SPMIP2: variants seen among roughly 807,000 people sequenced by gnomAD.
The protein encoded by SPMIP2 is sperm microtubule inner protein 2.
the SPMIP2 span, among the ~76,000 whole-genome samples, chr4:158,963,971 C>G: frequency 6.6e-6 from 1 of 151,938 alleles, no homozygotes; most frequent in Middle Eastern, 3.4e-3. Flanking sequence ...CTGGCTGATA[C>G]GGTGAAACCC....
chr4:158,990,111 T>C, the SPMIP2 span, among the ~76,000 whole-genome samples: 22 of 151,964 alleles, frequency 1.4e-4, 1 homozygote, highest in African/African-American at 4.8e-4. Flanking sequence ...ATGCAACCAA[T>C]AAACATATGA....
At chr4:158,979,939 T>C in the SPMIP2 span, among the ~76,000 whole-genome samples, 1 of 152,042 alleles carries the variant, frequency 6.6e-6, no homozygotes, top group Non-Finnish European at 1.5e-5. Context: ...CCCAGCAAGC[T>C]AAGATCCACT....
chr4:159,075,560 A>T, the SPMIP2 span, among the ~76,000 whole-genome samples: 93 of 152,162 alleles, frequency 6.1e-4, no homozygotes, highest in Non-Finnish European at 1.2e-3. Context: ...AAGCTTTTAG[A>T]GGTGGGCCAA....
chr4:158,921,629 T>A, the SPMIP2 span, among the ~76,000 whole-genome samples: 1 of 152,162 alleles, frequency 6.6e-6, no homozygotes, highest in Non-Finnish European at 1.5e-5. Flanking sequence ...CCTGCAGAAC[T>A]GTAAGCCAAT....
At chr4:159,013,056 T>C in the SPMIP2 span, among the ~76,000 whole-genome samples, 1 of 152,200 alleles carries the variant, frequency 6.6e-6, no homozygotes, top group Non-Finnish European at 1.5e-5. Flanking sequence ...TGGCCACAGG[T>C]TCTTCACAGT....
the SPMIP2 span, among the ~76,000 whole-genome samples, chr4:159,062,419 T>G: frequency 6.6e-6 from 1 of 152,226 alleles, no homozygotes; most frequent in East Asian, 1.9e-4. Context: ...TGTAAAAGAT[T>G]TAACTATGCC....
At chr4:158,988,257 G>T in the SPMIP2 span, among the ~76,000 whole-genome samples, 1 of 152,010 alleles carries the variant, frequency 6.6e-6, no homozygotes, top group Non-Finnish European at 1.5e-5. Context: ...TTAATAGCCT[G>T]CCAACCAAAA....
the SPMIP2 span, among the ~76,000 whole-genome samples, chr4:158,916,487 C>A: frequency 6.6e-6 from 1 of 152,136 alleles, no homozygotes; most frequent in African/African-American, 2.4e-5. Context: ...GGGAAGTGAC[C>A]ATGGCTGTCT....
At chr4:158,915,231 T>C in the SPMIP2 span, 1 of 1,613,738 alleles carries the variant, frequency 6.2e-7, no homozygotes, top group East Asian at 2.2e-5. Context: ...CAATGATGAC[T>C]TACACTGCCT....
the SPMIP2 span, among the ~76,000 whole-genome samples, chr4:158,949,344 A>C: frequency 6.6e-6 from 1 of 152,224 alleles, no homozygotes; most frequent in Non-Finnish European, 1.5e-5. Flanking sequence ...TTATATGGTC[A>C]TACTATTTAT....
chr4:158,993,056 C>G, the SPMIP2 span, among the ~76,000 whole-genome samples: 1 of 151,982 alleles, frequency 6.6e-6, no homozygotes, highest in Non-Finnish European at 1.5e-5. Context: ...CCAGTCAGTC[C>G]AACAAACTTC....
chr4:158,902,375 C>T, the SPMIP2 span, among the ~76,000 whole-genome samples: 3 of 152,160 alleles, frequency 2.0e-5, no homozygotes, highest in Non-Finnish European at 2.9e-5. Flanking sequence ...CCCAGAGGGG[C>T]ACCCACCAGA....
the SPMIP2 span, among the ~76,000 whole-genome samples, chr4:159,030,752 C>T: frequency 6.6e-6 from 1 of 152,156 alleles, no homozygotes; most frequent in Non-Finnish European, 1.5e-5. Context: ...CTGCCTCGGC[C>T]TCCCAGGTGC....
At chr4:158,906,961 AAAAAG>A in the SPMIP2 span, 1 of 152,218 alleles carries the variant, frequency 6.6e-6, no homozygotes. Context: ...ATTTTTTTTA[AAAAAG>A]AAAAGAAATC....
the SPMIP2 span, among the ~76,000 whole-genome samples, chr4:159,016,332 A>C: frequency 2.0e-5 from 3 of 152,224 alleles, no homozygotes; most frequent in African/African-American, 7.2e-5. Context: ...CAATAGATGA[A>C]GAAATTAAAG....
chr4:158,986,766 C>A, the SPMIP2 span, among the ~76,000 whole-genome samples: 1 of 152,026 alleles, frequency 6.6e-6, no homozygotes, highest in African/African-American at 2.4e-5. Flanking sequence ...GCAACAGAAG[C>A]CAAAATTGAC....
chr4:158,947,146 C>CA, the SPMIP2 span, among the ~76,000 whole-genome samples: 2 of 152,038 alleles, frequency 1.3e-5, no homozygotes, highest in Non-Finnish European at 2.9e-5. Context: ...CTAATTATCT[C>CA]AAAAAAATCG....
the SPMIP2 span, among the ~76,000 whole-genome samples, chr4:158,940,552 GTTCC>G: frequency 1.1e-5 from 1 of 92,872 alleles, no homozygotes; most frequent in African/African-American, 3.7e-5. Context: ...TAATTCTGTT[GTTCC>G]TTCTTTTTTT....
At chr4:158,901,411 C>T in the SPMIP2 span, among the ~76,000 whole-genome samples, 2 of 152,064 alleles carry the variant, frequency 1.3e-5, no homozygotes, top group Admixed American at 6.6e-5. Flanking sequence ...TCTCTGGCTG[C>T]CCTTAACATT....
Sources: gnomAD v4.1 joint callset for allele counts (sites outside exome capture counted in the v4.1 genomes callset) on GRCh38, gnomAD v4.1.1 for gene constraint, MANE v1.5 for transcripts, NCBI Gene and HGNC (gene_info 2026-07-23, HGNC 2026-07-21) for gene names.